Variants in SEMA3E observed in about 807,000 individuals in gnomAD.
The protein encoded by SEMA3E is semaphorin-3E.
SEMA3E carries 49 observed loss-of-function variants against 93.6 expected under a neutral mutation model. That is an observed-to-expected ratio of 0.52 (90% CI 0.42 to 0.66). SEMA3E has a LOEUF of 0.66. SEMA3E is among the 30% of genes least tolerant of loss of function. The pLI is 0.00. For synonymous variants in SEMA3E, 363 were observed against 330.7 expected (o/e 1.10, Z -1.06); for missense variants, 906 against 964.8 (o/e 0.94, Z 0.81).
chr7:83,597,194 G>T (rs543543123), intron 1 of SEMA3E, among the ~76,000 whole-genome samples: 69 of 152,098 alleles, frequency 4.5e-4, no homozygotes, highest in Non-Finnish European at 9.0e-4. Context: ...CAACAATGTG[G>T]TTCAAAAAGT....
chr7:83,574,374 T>A (rs1467471863), intron 1 of SEMA3E, among the ~76,000 whole-genome samples: 3 of 151,736 alleles, frequency 2.0e-5, no homozygotes, highest in East Asian at 3.9e-4. Flanking sequence ...AAATCTTTGT[T>A]ATGAAGAAGA....
rs201318335 is a variant in SEMA3E at position 83,459,723 on chromosome 7, TC to T, written c.456+6758del. 5.8e-3 allele frequency among the ~76,000 whole-genome samples: 878 copies of T among 152,246 alleles called. 9 individuals carry two copies. Among genetic ancestry groups the T allele is most frequent in the African/African-American group, 0.02 (843 of 41,556 alleles). ...CGCATCCCCTGTGACTTGCACGTAT[TC>T]GCCCAGATGGCCTGAAGTAACTGAA... On this transcript the variant is annotated intron_variant, in intron 4 of 16. Transcript: ENST00000643230.
At chr7:83,594,031 G>A (rs1018575328) in intron 1 of SEMA3E, among the ~76,000 whole-genome samples, 4 of 152,068 alleles carry the variant, frequency 2.6e-5, no homozygotes, top group Non-Finnish European at 4.4e-5. Context: ...ACATGAACCA[G>A]CTCTGTACTT....
chr7:83,505,190 T>C (rs990984838), intron 1 of SEMA3E, among the ~76,000 whole-genome samples: 17 of 152,180 alleles, frequency 1.1e-4, no homozygotes, highest in Admixed American at 9.8e-4. Flanking sequence ...ATTTTTAAAA[T>C]TGTATTTCAG....
chr7:83,492,080 T>G (rs1031302899), intron 1 of SEMA3E, among the ~76,000 whole-genome samples: 4 of 152,050 alleles, frequency 2.6e-5, no homozygotes, highest in African/African-American at 9.7e-5. Context: ...GCAACATTTC[T>G]CAGTTTTAAT....
chr7:83,507,322 A>G (rs1179646453), intron 1 of SEMA3E, among the ~76,000 whole-genome samples: 1 of 152,116 alleles, frequency 6.6e-6, no homozygotes, highest in Non-Finnish European at 1.5e-5. Context: ...GAGCAAATGC[A>G]TTAACCTCCC....
intron 1 of SEMA3E, among the ~76,000 whole-genome samples, chr7:83,492,194 G>C (rs1332892652): frequency 2.0e-5 from 3 of 151,974 alleles, no homozygotes; most frequent in African/African-American, 7.2e-5. Flanking sequence ...CTCCGGTGTA[G>C]AGCTTAGGGG....
chr7:83,508,628 T>C (rs1401751258), intron 1 of SEMA3E, among the ~76,000 whole-genome samples: 1 of 152,200 alleles, frequency 6.6e-6, no homozygotes, highest in Admixed American at 6.5e-5. Flanking sequence ...AAATCAATTA[T>C]ATTTGCAATA....
At chr7:83,638,124 A>G (rs1793918131) in intron 1 of SEMA3E, among the ~76,000 whole-genome samples, 1 of 152,214 alleles carries the variant, frequency 6.6e-6, no homozygotes, top group Admixed American at 6.5e-5. Flanking sequence ...GCCTTTCTCT[A>G]TGATAACATA....
chr7:83,370,173 T>TA (rs1181081217), intron 16 of SEMA3E, among the ~76,000 whole-genome samples: 1 of 152,168 alleles, frequency 6.6e-6, no homozygotes, highest in Admixed American at 6.5e-5. Flanking sequence ...TGGTACATCT[T>TA]ACACATAGAT....
Position 83,538,608 on chromosome 7 carries a change from T to G in SEMA3E, c.116-48334A>C, listed in dbSNP as rs1400967544. Among the ~76,000 whole-genome samples the G allele has an allele frequency of 5.9e-5, 9 of 152,186 alleles. 1 individual carries two copies. In the South Asian group the frequency reaches 1.9e-3, roughly 32 times the overall value. ...TGTTAAATCATTATTTTTTACATGA[T>G]TATAAAAATGATTAAGATATAAAAT... On this transcript the variant is annotated intron_variant, in intron 1 of 16. Coordinates refer to ENST00000643230, the MANE Select transcript of SEMA3E (RefSeq NM_012431.3).
chr7:83,364,319 C>T lies in SEMA3E; in HGVS notation c.*3267G>A, dbSNP rs1562744025. On this transcript the variant is annotated 3_prime_UTR_variant, in exon 17 of 17. Transcript: ENST00000643230. ...TAATTACTATGAAGATTTACAAAAC[C>T]CTAAAACCTATAGCAAATATCGAAC... The T allele has an allele frequency of 6.6e-6, 1 of 152,068 alleles. No homozygotes were observed. The highest frequency in any genetic ancestry group is 6.5e-5 in the Admixed American group (1 of 15,270). 9.4% of individuals were successfully genotyped at this position (152,068 alleles called of 1,614,324 possible). A position where few individuals can be genotyped will look rare whatever the true frequency, so the allele number is the denominator to read the frequency against.
intron 1 of SEMA3E, among the ~76,000 whole-genome samples, chr7:83,579,001 G>A (rs1302594124): frequency 3.3e-5 from 5 of 151,894 alleles, no homozygotes; most frequent in Non-Finnish European, 7.4e-5. Flanking sequence ...AATAACTATC[G>A]ATATTATAGT....
intron 1 of SEMA3E, among the ~76,000 whole-genome samples, chr7:83,634,333 C>A (rs1793840449): frequency 2.0e-5 from 3 of 152,038 alleles, no homozygotes; most frequent in African/African-American, 7.2e-5. Context: ...TTAGTTTTCT[C>A]ATTTTTATTC....
At chr7:83,463,074 C>A (rs540625972) in intron 4 of SEMA3E, among the ~76,000 whole-genome samples, 51 of 149,984 alleles carry the variant, frequency 3.4e-4, no homozygotes, top group African/African-American at 1.2e-3. Context: ...CAAATTTCTT[C>A]CTCATCTGTT....
intron 2 of SEMA3E, among the ~76,000 whole-genome samples, chr7:83,485,109 A>G (rs1335495953): frequency 6.6e-6 from 1 of 152,194 alleles, no homozygotes; most frequent in Non-Finnish European, 1.5e-5. Flanking sequence ...TTCCACATGC[A>G]TGTCTCAGAA....
intron 1 of SEMA3E, among the ~76,000 whole-genome samples, chr7:83,599,226 C>A (rs2115974495): frequency 6.6e-6 from 1 of 152,230 alleles, no homozygotes; most frequent in East Asian, 1.9e-4. Context: ...CATTTCTAAC[C>A]TTTTCTAAAA....
intron 1 of SEMA3E, among the ~76,000 whole-genome samples, chr7:83,603,352 G>A (rs982149531): frequency 1.3e-5 from 2 of 152,016 alleles, no homozygotes; most frequent in African/African-American, 4.8e-5. Context: ...ACATAAAAGA[G>A]AGTAAAAAAG....
intron 4 of SEMA3E, among the ~76,000 whole-genome samples, chr7:83,464,127 A>G (rs1789699199): frequency 1.3e-5 from 2 of 152,058 alleles, no homozygotes; most frequent in South Asian, 4.1e-4. Context: ...GTATTCAGTG[A>G]AACCTTTATA....
Sources: gnomAD v4.1 joint callset for allele counts (sites outside exome capture counted in the v4.1 genomes callset) on GRCh38, gnomAD v4.1.1 for gene constraint, MANE v1.5 for transcripts, NCBI Gene and HGNC (gene_info 2026-07-23, HGNC 2026-07-21) for gene names.